Variants in ESR1 observed in about 807,000 individuals in gnomAD.
The protein encoded by ESR1 is estrogen receptor.
A neutral mutation model predicts 52.7 loss-of-function variants in ESR1; 12 were observed. The ratio of observed to expected loss-of-function variants is 0.23; its 90% CI spans 0.15 to 0.37. ESR1 has a LOEUF of 0.37. Ranked by LOEUF, ESR1 falls within the 10% of genes least tolerant of loss-of-function variation. ESR1 has a pLI of 1.00. For missense variants in ESR1, 584 were observed against 779.7 expected, an observed-to-expected ratio of 0.75 and a Z score of 2.99; for synonymous variants, 305 against 316.8, an observed-to-expected ratio of 0.96 and a Z score of 0.39.
At chr6:151,704,812 A>G (rs1186670155) in intron 2 of ESR1, among the ~76,000 whole-genome samples, 1 of 152,110 alleles carries the variant, frequency 6.6e-6, no homozygotes, top group Non-Finnish European at 1.5e-5. Flanking sequence ...AGAAAAATCA[A>G]GTAATTTGCT....
intron 6 of ESR1, among the ~76,000 whole-genome samples, chr6:152,082,626 G>A (rs1302007511): frequency 6.6e-6 from 1 of 152,176 alleles, no homozygotes; most frequent in Admixed American, 6.5e-5. Context: ...AATCAGGCAA[G>A]AGAAAGAAAT....
At chr6:152,039,305 C>A (rs996627385) in intron 5 of ESR1, among the ~76,000 whole-genome samples, 1 of 152,202 alleles carries the variant, frequency 6.6e-6, no homozygotes, top group East Asian at 1.9e-4. Flanking sequence ...CTTGGTAATA[C>A]TAAGAGACAC....
At chr6:151,887,787 GT>G (rs965909174) in intron 3 of ESR1, among the ~76,000 whole-genome samples, 14 of 149,500 alleles carry the variant, frequency 9.4e-5, no homozygotes, top group South Asian at 2.1e-4. Flanking sequence ...TCTTAAGCTG[GT>G]TTTTTTTTTC....
Position 152,123,195 on chromosome 6 carries a change from TA to T in ESR1, c.851-2067del, listed in dbSNP as rs1280292611. Among the ~76,000 whole-genome samples the T allele has an allele frequency of 2.0e-5, 3 of 152,300 alleles. No individual in the cohort carries two copies. In the East Asian group the frequency reaches 5.8e-4, roughly 29 times the overall value. On this transcript the variant is annotated intron_variant, in intron 6 of 6. Transcript: ENST00000427531. ...GTCTTTGTCATTTTGCACAGACCCA[TA>T]AAAGCTTCATTAATCATAGAGCATA...
rs371163397 is a variant in ESR1 at position 151,757,153 on chromosome 6, G to A, written c.-70-50690G>A. 2.3e-4 allele frequency among the ~76,000 whole-genome samples: 35 copies of A among 152,034 alleles called. No homozygotes were observed. In the South Asian group the frequency reaches 7.3e-3, roughly 32 times the overall value. On this transcript the variant is annotated intron_variant, in intron 2 of 2. Coordinates refer to the ESR1 transcript ENST00000404742. ...CAGAACTGTCTAACCTCCCTACTCAGTGGGTCCTGTTACCTCTCTCCTGAA... is the reference window on the plus strand; with the variant it reads ...CAGAACTGTCTAACCTCCCTACTCAATGGGTCCTGTTACCTCTCTCCTGAA...
chr6:151,789,462 GTT>G (rs1787321114), intron 2 of ESR1, among the ~76,000 whole-genome samples: 1 of 152,196 alleles, frequency 6.6e-6, no homozygotes, highest in Non-Finnish European at 1.5e-5. Flanking sequence ...TAAACTATCA[GTT>G]ATAGGATCCA....
intron 6 of ESR1, among the ~76,000 whole-genome samples, chr6:152,078,875 C>A (rs1303005380): frequency 1.3e-5 from 2 of 152,236 alleles, no homozygotes; most frequent in Non-Finnish European, 2.9e-5. Context: ...TCACTGCTAG[C>A]GCAGCAGTCT....
chr6:151,809,960 T>C (rs1396537278), intron 1 of ESR1, among the ~76,000 whole-genome samples: 1 of 152,126 alleles, frequency 6.6e-6, no homozygotes. Context: ...AAGGCACTGG[T>C]ATGATGTGAA....
At chr6:151,940,894 T>C (rs1185507217) in intron 3 of ESR1, among the ~76,000 whole-genome samples, 3 of 152,250 alleles carry the variant, frequency 2.0e-5, no homozygotes, top group Non-Finnish European at 4.4e-5. Context: ...ACAAATACTT[T>C]GATAAAATAT....
intron 3 of ESR1, among the ~76,000 whole-genome samples, chr6:151,896,769 C>A (rs1232604153): frequency 1.3e-5 from 2 of 151,574 alleles, no homozygotes; most frequent in African/African-American, 2.4e-5. Flanking sequence ...TGATTTGTGA[C>A]CTTAGATTGT....
intron 1 of ESR1, among the ~76,000 whole-genome samples, chr6:151,669,056 G>A (rs1448651111): frequency 1.3e-5 from 2 of 151,186 alleles, no homozygotes; most frequent in Admixed American, 1.3e-4. Context: ...TAGAGGAAAT[G>A]TGAAACCATT....
At chr6:152,097,104 G>A (rs2050670575) in intron 7 of ESR1, among the ~76,000 whole-genome samples, 2 of 152,134 alleles carry the variant, frequency 1.3e-5, no homozygotes, top group South Asian at 4.1e-4. Flanking sequence ...TTGGAATCGT[G>A]TGAAAAGCTG....
intron 2 of ESR1, among the ~76,000 whole-genome samples, chr6:151,795,074 A>C (rs1776560272): frequency 6.6e-6 from 1 of 152,188 alleles, no homozygotes; most frequent in Non-Finnish European, 1.5e-5. Context: ...ATATCATTGC[A>C]TTTAATCTTT....
chr6:151,772,145 T>C (rs1583214855), intron 2 of ESR1, among the ~76,000 whole-genome samples: 1 of 152,172 alleles, frequency 6.6e-6, no homozygotes, highest in South Asian at 2.1e-4. Flanking sequence ...TACACACCCG[T>C]AGTTGCTGGG....
chr6:151,799,062 A>T (rs1776981241), intron 2 of ESR1, among the ~76,000 whole-genome samples: 1 of 152,200 alleles, frequency 6.6e-6, no homozygotes, highest in South Asian at 2.1e-4. Context: ...TTGAGACTCT[A>T]AGAATAGTTC....
chr6:152,021,997 A>G (rs2043695673), intron 5 of ESR1, among the ~76,000 whole-genome samples: 1 of 152,166 alleles, frequency 6.6e-6, no homozygotes, highest in Non-Finnish European at 1.5e-5. Context: ...TAAATTGCCC[A>G]GTCTCATGTA....
chr6:152,017,488 G>A (rs1475948597), intron 5 of ESR1, among the ~76,000 whole-genome samples: 1 of 152,150 alleles, frequency 6.6e-6, no homozygotes, highest in East Asian at 1.9e-4. Context: ...CCATGTGTGT[G>A]TATATTTTAC....
upstream of ESR1, among the ~76,000 whole-genome samples, chr6:151,801,489 C>G (rs568845404): frequency 5.9e-5 from 9 of 152,310 alleles, no homozygotes; most frequent in East Asian, 1.7e-3. Context: ...AAAATTCAAA[C>G]TGTCTTCATC....
intron 6 of ESR1, among the ~76,000 whole-genome samples, chr6:152,077,863 T>C (rs2048870498): frequency 6.6e-6 from 1 of 152,190 alleles, no homozygotes; most frequent in Non-Finnish European, 1.5e-5. Flanking sequence ...TTGATTTTGA[T>C]TTTACAGGCT....
Sources: gnomAD v4.1 joint callset for allele counts (sites outside exome capture counted in the v4.1 genomes callset) on GRCh38, gnomAD v4.1.1 for gene constraint, MANE v1.5 for transcripts, NCBI Gene and HGNC (gene_info 2026-07-23, HGNC 2026-07-21) for gene names.